The following PRKG2 variants were observed in gnomAD, a reference collection of about 807,000 sequenced individuals.
PRKG2 encodes cGMP-dependent protein kinase 2.
Under a neutral mutation model 97.2 loss-of-function variants are expected in PRKG2, and 33 were observed. The ratio of observed to expected loss-of-function variants is 0.34; its 90% CI spans 0.26 to 0.45. PRKG2 has a LOEUF of 0.45. Among genes scored for constraint, PRKG2 ranks in the 20% least tolerant of loss-of-function variants. The probability of loss-of-function intolerance (pLI) is 1.00; values close to 1 mark genes in which losing one functional copy is unlikely to be tolerated. For synonymous variants in PRKG2, 330 were observed against 321.8 expected, an observed-to-expected ratio of 1.03 and a Z score of -0.27; for missense variants, 638 against 900.0, an observed-to-expected ratio of 0.71 and a Z score of 3.73.
chr4:81,142,807 C>A lies in PRKG2; in HGVS notation c.1394G>T (p.Gly465Val). 6.2e-7 allele frequency: 1 copy of A among 1,602,248 alleles called. No individual in the cohort carries two copies. Among genetic ancestry groups the A allele is most frequent in the Non-Finnish European group, 8.5e-7 (1 of 1,172,292 alleles). Residue 465 changes from glycine (G) to valine (V), a missense_variant, in exon 11 of 19, where the codon GGA (glycine) becomes GTA (valine). Transcript: ENST00000264399. ...TAAACCCCTTACAAGCTCAACTCTT[C>A]CGAACCCACCAACGCCCAGTGTTGC... The part of the protein sequence containing the change: ...IIATLGVGGF[G>V]RVELVKVKNE...
Position 81,144,257 on chromosome 4 carries a change from G to A in PRKG2, c.1228C>T (p.Arg410Cys), listed in dbSNP as rs147205318. ...TTCGCATGTCTTTTTTCATCATCAC[G>A]GTTCAGGTTTGCCACATATCCTTCA... ...YLEGYVANLNRDDEKRHAKRS... is the reference protein window; with the variant it reads ...YLEGYVANLNCDDEKRHAKRS... The change falls in exon 10 of 19, where the codon CGT becomes TGT. Residue 410 changes from arginine to cysteine, a missense_variant. By Grantham distance (180) the Arg-to-Cys change is radical (BLOSUM62 -3). Around this residue, in one of 3 missense-constraint regions of PRKG2, gnomAD observed 304 missense variants for 460.5 expected, o/e 0.66. Coordinates refer to ENST00000264399, the MANE Select transcript of PRKG2 (RefSeq NM_006259.3). 7.4e-6 allele frequency: 12 copies of A among 1,610,876 alleles called. No homozygotes were observed. Among genetic ancestry groups the A allele is most frequent in the Non-Finnish European group, 7.6e-6 (9 of 1,177,528 alleles).
intron 1 of PRKG2, among the ~76,000 whole-genome samples, chr4:81,205,534 C>T (rs1753601475): frequency 1.3e-5 from 2 of 152,238 alleles, no homozygotes; most frequent in Admixed American, 1.3e-4. Flanking sequence ...GAAAATTACA[C>T]ATCTGCATTT....
chr4:81,133,932 T>A (rs1746416480), intron 14 of PRKG2, among the ~76,000 whole-genome samples: 1 of 152,140 alleles, frequency 6.6e-6, no homozygotes, highest in Admixed American at 6.6e-5. Context: ...ATCCCTCATG[T>A]TGGTTCTACT....
chr4:81,100,256 G>T (rs1471421035), intron 17 of PRKG2, among the ~76,000 whole-genome samples: 1 of 152,156 alleles, frequency 6.6e-6, no homozygotes, highest in Non-Finnish European at 1.5e-5. Context: ...GGATTGCCAA[G>T]TCAATCCTAA....
chr4:81,147,284 A>C (rs1747948902), intron 9 of PRKG2, among the ~76,000 whole-genome samples: 1 of 152,192 alleles, frequency 6.6e-6, no homozygotes, highest in South Asian at 2.1e-4. Flanking sequence ...AGCATTTTGC[A>C]TCCATTTATA....
chr4:81,135,225 C>A lies in PRKG2; in HGVS notation c.1706G>T (p.Arg569Leu), dbSNP rs780864218. The change falls in exon 14 of 19, where the codon CGA (arginine) becomes CTA (leucine). Residue 569 changes from arginine (R) to leucine (L), a missense_variant. By Grantham distance (102) the Arg-to-Leu change is moderately radical (BLOSUM62 -2). This residue lies in a region of PRKG2 where 304 missense variants were observed against 460.5 expected (regional missense o/e 0.66). Coordinates refer to ENST00000264399, the MANE Select transcript of PRKG2 (RefSeq NM_006259.3). ...CVTEAFDYLHRLGIIYRDLKP... is the reference protein window; with the variant it reads ...CVTEAFDYLHLLGIIYRDLKP... ...CAAGTCTCTGTAGATAATACCTAGT[C>A]GATGCAGGTAATCAAATGCTTCTGT... The A allele has an allele frequency of 6.2e-7, 1 of 1,612,072 alleles. No individual in the cohort carries two copies. The highest frequency in any genetic ancestry group is 8.5e-7 in the Non-Finnish European group (1 of 1,178,568).
rs1480644187 is a variant in PRKG2 at position 81,088,719 on chromosome 4, T to A, written c.*989A>T. 1.3e-5 allele frequency: 2 copies of A among 152,168 alleles called. No individual in the cohort carries two copies. Among genetic ancestry groups the A allele is most frequent in the African/African-American group, 4.8e-5 (2 of 41,454 alleles). 9.4% of individuals were successfully genotyped at this position (152,168 alleles called of 1,614,324 possible). A position where few individuals can be genotyped will look rare whatever the true frequency, so the allele number is the denominator to read the frequency against. ...CAGCAGTGACTACAGTGCATCAACA[T>A]TTGTCAATGGGATTTATATTAAAAA... On this transcript the variant is annotated 3_prime_UTR_variant, in exon 19 of 19. Coordinates refer to ENST00000264399, the MANE Select transcript of PRKG2 (RefSeq NM_006259.3).
intron 12 of PRKG2, among the ~76,000 whole-genome samples, chr4:81,139,121 T>A (rs977808240): frequency 1.3e-5 from 2 of 152,200 alleles, no homozygotes. Context: ...GATAGAAAGC[T>A]GTGGTCTATA....
Position 81,171,759 on chromosome 4 carries a change from A to T in PRKG2, c.674T>A (p.Ile225Asn). ...CTCCCCAAATGTGGTCCACATAGGG[A>T]TGGAGGACAGCAATTTCTCCCCTTG... ...VFQGEKLLSS[I>N]PMWTTFGELA... Residue 225 changes from isoleucine to asparagine, a missense_variant, in exon 4 of 19, where the codon ATC (isoleucine) becomes AAC (asparagine). Ile to Asn is a moderately radical substitution (Grantham distance 149). Coordinates refer to ENST00000264399, the MANE Select transcript of PRKG2 (RefSeq NM_006259.3). 6.2e-7 allele frequency: 1 copy of T among 1,611,812 alleles called. No individual in the cohort carries two copies.
upstream of PRKG2, among the ~76,000 whole-genome samples, chr4:81,217,317 T>C (rs1754314112): frequency 1.3e-5 from 2 of 152,112 alleles, no homozygotes; most frequent in East Asian, 1.9e-4. Flanking sequence ...CTGGGTCATA[T>C]GTACTTTCTT....
At position 81,205,755 on chromosome 4, in the gene PRKG2, T is replaced by C. The variant is rs369327853; in HGVS notation, c.-13-695A>G. The stretch of plus-strand genomic sequence containing the variant: ...AAATGTACGACCCATGCTGCAAGGC[T>C]CTATTCTTTTCCTATTAAGAATGTC... On this transcript the variant is annotated intron_variant, in intron 1 of 18. Transcript: ENST00000264399. Among the ~76,000 whole-genome samples, 25 of 152,316 alleles carry C rather than the reference T, an allele frequency of 1.6e-4. 1 individual carries two copies. The highest frequency in any genetic ancestry group is 6.0e-4 in the African/African-American group (25 of 41,590).
At position 81,135,289 on chromosome 4, in the gene PRKG2, A is replaced by G; in HGVS notation, c.1642T>C (p.Phe548Leu). ...CAGAATTTGGAGGTGGGTTCATCAA[A>G]GCTGCCTCTGCAACGAAATCATTTT... Reference protein sequence around the residue: ...LWSILRDRGSFDEPTSKFCVA... With the variant: ...LWSILRDRGSLDEPTSKFCVA... Residue 548 changes from phenylalanine to leucine, a missense_variant, in exon 14 of 19, where the codon TTT (phenylalanine) becomes CTT (leucine). Phe to Leu is a conservative substitution (Grantham distance 22). Transcript: ENST00000264399. 1 of 1,612,380 alleles carries G rather than the reference A, an allele frequency of 6.2e-7. No individual in the cohort carries two copies. The highest frequency in any genetic ancestry group is 8.5e-7 in the Non-Finnish European group (1 of 1,179,202).
Position 81,144,345 on chromosome 4 carries a change from T to A in PRKG2, c.1155-15A>T. 1 of 1,577,794 alleles carries A rather than the reference T, an allele frequency of 6.3e-7. No individual in the cohort carries two copies. The highest frequency in any genetic ancestry group is 1.3e-5 in the African/African-American group (1 of 74,196). ...GGTTGAATGTTCTAAATAGATAGAA[T>A]AAAGTAAAATGCTCCGTGCTGATAG... On this transcript the variant is annotated splice_polypyrimidine_tract_variant and intron_variant, in intron 9 of 18. Transcript: ENST00000264399.
intron 17 of PRKG2, 68 bp from the exon 18 acceptor site, chr4:81,092,520 GA>G: frequency 1.1e-6 from 1 of 944,200 alleles, no homozygotes; most frequent in Non-Finnish European, 1.7e-6. Flanking sequence ...AAGGGAGAAA[GA>G]AAGAGACGAC....
chr4:81,213,579 G>C (rs1217198397), intron 1 of PRKG2, among the ~76,000 whole-genome samples: 1 of 152,158 alleles, frequency 6.6e-6, no homozygotes, highest in Non-Finnish European at 1.5e-5. Context: ...ACTAAGAGTA[G>C]AGCCTGCAAG....
chr4:81,127,634 G>GT (rs1745734594), intron 14 of PRKG2, among the ~76,000 whole-genome samples: 2 of 151,384 alleles, frequency 1.3e-5, no homozygotes, highest in South Asian at 4.2e-4. Context: ...AGCTCTCTGT[G>GT]TATTACTGGT....
At chr4:81,160,508 C>T (rs906755488) in intron 6 of PRKG2, among the ~76,000 whole-genome samples, 3 of 152,000 alleles carry the variant, frequency 2.0e-5, no homozygotes, top group African/African-American at 7.2e-5. Context: ...TGAGTCTGGG[C>T]TCTAGAAAAA....
intron 15 of PRKG2, among the ~76,000 whole-genome samples, chr4:81,110,231 T>G (rs1395808552): frequency 1.3e-5 from 2 of 152,202 alleles, no homozygotes; most frequent in Admixed American, 1.3e-4. Flanking sequence ...ACCACAGCAA[T>G]TCTATATTCC....
At chr4:81,210,017 T>A in intron 1 of PRKG2, among the ~76,000 whole-genome samples, 1 of 152,056 alleles carries the variant, frequency 6.6e-6, no homozygotes. Flanking sequence ...CCGGAACAAC[T>A]AGGCATTAAT....
Sources: allele counts gnomAD v4.1 joint callset (sites outside exome capture counted in the v4.1 genomes callset), GRCh38; gene constraint gnomAD v4.1.1; regional missense constraint gnomAD v4.1.1; transcripts MANE v1.5; gene names NCBI Gene and HGNC (gene_info 2026-07-23, HGNC 2026-07-21).